PKP4: variants seen among roughly 807,000 people sequenced by gnomAD.
PKP4 encodes the protein plakophilin-4.
Under a neutral mutation model 145.1 loss-of-function variants are expected in PKP4, and 90 were observed. That is an observed-to-expected ratio of 0.62 (90% CI 0.52 to 0.74). The LOEUF (loss-of-function observed/expected upper bound fraction) is 0.74. Ranked by LOEUF, PKP4 falls within the 30% of genes least tolerant of loss-of-function variation. The pLI, the probability that PKP4 is intolerant of heterozygous loss-of-function variation, is 0.00. For synonymous variants in PKP4, 563 were observed against 577.2 expected, an observed-to-expected ratio of 0.98 and a Z score of 0.35; for missense variants, 1,340 against 1,482.7, an observed-to-expected ratio of 0.90 and a Z score of 1.58.
chr2:158,522,894 C>T (rs2042535891), intron 1 of PKP4, among the ~76,000 whole-genome samples: 1 of 152,232 alleles, frequency 6.6e-6, no homozygotes, highest in African/African-American at 2.4e-5. Flanking sequence ...AATCGGGTCA[C>T]TCCCACCCGA....
chr2:158,480,560 C>T (rs1288822257), intron 1 of PKP4, among the ~76,000 whole-genome samples: 5 of 150,046 alleles, frequency 3.3e-5, no homozygotes, highest in African/African-American at 9.8e-5. Flanking sequence ...TTTTTTTTTC[C>T]AGTTGTTTCT....
chr2:158,462,044 A>G (rs1438727678), intron 1 of PKP4, among the ~76,000 whole-genome samples: 2 of 152,360 alleles, frequency 1.3e-5, no homozygotes, highest in Non-Finnish European at 2.9e-5. Flanking sequence ...GGTACTATGC[A>G]GGCTTTTGGG....
At chr2:158,604,295 T>C (rs10191923) in intron 4 of PKP4, among the ~76,000 whole-genome samples, 79,670 of 151,838 alleles carry the variant, frequency 0.52, 21,115 homozygotes, top group South Asian at 0.69. Context: ...TAAAACTGGT[T>C]TGGGAGGTGA....
chr2:158,647,337 T>G (rs1464243580), intron 11 of PKP4, among the ~76,000 whole-genome samples: 13 of 152,216 alleles, frequency 8.5e-5, no homozygotes. Flanking sequence ...ATTATATAAT[T>G]TGAAGAAACT....
intron 12 of PKP4, chr2:158,658,957 C>T (rs1452175971): frequency 6.6e-6 from 1 of 152,292 alleles, no homozygotes; most frequent in Non-Finnish European, 1.5e-5. Context: ...TGGTCTCAGA[C>T]CACCTGGCTT....
At position 158,669,783 on chromosome 2, in the gene PKP4, C is replaced by T; in HGVS notation, c.2792C>T (p.Ser931Phe). 1 of 1,613,432 alleles carries T rather than the reference C, an allele frequency of 6.2e-7. No individual in the cohort carries two copies. The highest frequency in any genetic ancestry group is 8.5e-7 in the Non-Finnish European group (1 of 1,179,472). The change falls in exon 17 of 22, where the codon TCT becomes TTT. Residue 931 changes from serine (S) to phenylalanine (F), a missense_variant. Physicochemically the swap from Ser to Phe is radical, Grantham distance 155. Transcript: ENST00000389759. ...LPGGNGPSVL[S>F]DETMAAICCA... Reference sequence around the variant, plus strand: ...GGCGGCAATGGCCCCAGTGTCTTGTCTGATGAGACCATGGCAGCCATCTGC... The same window carrying T: ...GGCGGCAATGGCCCCAGTGTCTTGTTTGATGAGACCATGGCAGCCATCTGC...
intron 1 of PKP4, among the ~76,000 whole-genome samples, chr2:158,460,006 T>C (rs1223211547): frequency 1.3e-5 from 2 of 152,126 alleles, no homozygotes; most frequent in Admixed American, 1.3e-4. Context: ...CCCCCTACTA[T>C]TATGTAAGGA....
chr2:158,534,287 A>G (rs906922953), intron 2 of PKP4, among the ~76,000 whole-genome samples: 4 of 152,240 alleles, frequency 2.6e-5, no homozygotes, highest in Non-Finnish European at 5.9e-5. Context: ...GTGGCATGAA[A>G]GATTGCTCTA....
At position 158,542,757 on chromosome 2, in the gene PKP4, A is replaced by G. The variant is rs576417553; in HGVS notation, c.132+9441A>G. Reference sequence around the variant, plus strand: ...TGCTTTTTGATGCAGCTAGATTGCTATCTCTGTTCTCCTTACTACTACTAC... The same window carrying G: ...TGCTTTTTGATGCAGCTAGATTGCTGTCTCTGTTCTCCTTACTACTACTAC... On this transcript the variant is annotated intron_variant, in intron 2 of 21. Transcript: ENST00000389759. Among the ~76,000 whole-genome samples the G allele has an allele frequency of 3.3e-5, 5 of 152,244 alleles. No homozygotes were observed. The East Asian group carries it at 5.8e-4, about 18-fold the overall frequency.
chr2:158,651,667 C>T (rs2055376061), intron 11 of PKP4, among the ~76,000 whole-genome samples: 1 of 151,874 alleles, frequency 6.6e-6, no homozygotes, highest in Admixed American at 6.6e-5. Context: ...TCCCATCCTC[C>T]TGTCAAACAC....
intron 3 of PKP4, among the ~76,000 whole-genome samples, chr2:158,595,707 T>C (rs2049667200): frequency 6.6e-6 from 1 of 152,234 alleles, no homozygotes; most frequent in Non-Finnish European, 1.5e-5. Flanking sequence ...ATATAGAAAT[T>C]TAAGTGTTTG....
intron 1 of PKP4, among the ~76,000 whole-genome samples, chr2:158,475,914 A>C (rs1381741784): frequency 1.3e-5 from 2 of 152,220 alleles, no homozygotes; most frequent in Non-Finnish European, 2.9e-5. Flanking sequence ...TCAGATATTT[A>C]GAATAGTTTT....
intron 6 of PKP4, among the ~76,000 whole-genome samples, chr2:158,622,204 T>G (rs1012230358): frequency 1.3e-5 from 2 of 152,230 alleles, no homozygotes; most frequent in African/African-American, 4.8e-5. Flanking sequence ...AAACTACATT[T>G]CTTTTCTTTT....
At chr2:158,553,853 TC>T (rs1020056132) in intron 2 of PKP4, among the ~76,000 whole-genome samples, 6 of 152,274 alleles carry the variant, frequency 3.9e-5, no homozygotes, top group African/African-American at 1.2e-4. Context: ...TACTCAAGTC[TC>T]CCCTGTACCT....
intron 17 of PKP4, among the ~76,000 whole-genome samples, chr2:158,670,629 C>T (rs986840152): frequency 6.6e-6 from 1 of 152,206 alleles, no homozygotes; most frequent in South Asian, 2.1e-4. Context: ...TCTCTCTGCT[C>T]CAGGCCTGAG....
chr2:158,483,860 C>T (rs1317943395), intron 1 of PKP4, among the ~76,000 whole-genome samples: 2 of 152,058 alleles, frequency 1.3e-5, no homozygotes, highest in African/African-American at 4.8e-5. Flanking sequence ...TATTGTTTTT[C>T]ATCATCGTTC....
At chr2:158,583,767 T>C (rs2048542938) in intron 3 of PKP4, among the ~76,000 whole-genome samples, 1 of 152,244 alleles carries the variant, frequency 6.6e-6, no homozygotes, top group African/African-American at 2.4e-5. Context: ...CAGGTGACTT[T>C]TTATCTTGTT....
intron 4 of PKP4, among the ~76,000 whole-genome samples, chr2:158,607,861 G>T (rs1006409716): frequency 1.3e-5 from 2 of 152,088 alleles, no homozygotes; most frequent in African/African-American, 4.8e-5. Flanking sequence ...TGGACCTATG[G>T]CCTTGGCATC....
Position 158,489,188 on chromosome 2 carries a change from G to A in PKP4, c.-6+31970G>A, listed in dbSNP as rs187768874. On this transcript the variant is annotated intron_variant, in intron 1 of 21. Coordinates refer to ENST00000389759, the MANE Select transcript of PKP4 (RefSeq NM_003628.6). ...TTTCCTTCAGAAATCATTATTGTAG[G>A]TGTGAAATTTATATAACATCTAAAA... Among the ~76,000 whole-genome samples, 12 of 152,096 alleles carry A rather than the reference G, an allele frequency of 7.9e-5. No individual in the cohort carries two copies. In the East Asian group the frequency reaches 1.7e-3, roughly 22 times the overall value.
Sources: gnomAD v4.1 joint callset for allele counts (sites outside exome capture counted in the v4.1 genomes callset) on GRCh38, gnomAD v4.1.1 for gene constraint, MANE v1.5 for transcripts, NCBI Gene and HGNC (gene_info 2026-07-23, HGNC 2026-07-21) for gene names.